EMSY: variants seen among roughly 807,000 people sequenced by gnomAD.
EMSY encodes EMSY transcriptional repressor, BRCA2 interacting, also known as BRCA2-interacting transcriptional repressor EMSY.
A neutral mutation model predicts 134.6 loss-of-function variants in EMSY; 26 were observed. The observed-to-expected ratio is 0.19, with a 90% CI of 0.14 to 0.27. EMSY has a LOEUF of 0.27. EMSY is among the 10% of genes least tolerant of loss of function. The pLI is 1.00. For synonymous variants in EMSY, 579 were observed against 577.8 expected, an observed-to-expected ratio of 1.00 and a Z score of -0.03; for missense variants, 1,305 against 1,611.4, an observed-to-expected ratio of 0.81 and a Z score of 3.26.
At position 76,523,066 on chromosome 11, in the gene EMSY, A is replaced by G. The variant is rs1590967647; in HGVS notation, c.1685-89A>G. 1.4e-5 allele frequency: 18 copies of G among 1,281,192 alleles called. No homozygotes were observed. In the South Asian group the frequency reaches 2.2e-4, roughly 16 times the overall value. 79.4% of individuals were successfully genotyped at this position (1,281,192 alleles called of 1,614,324 possible). The stretch of plus-strand genomic sequence containing the variant: ...ATGTCATCTAGGAATGACATTTACT[A>G]TATGTACTAATTGTGTATAATATAA... On this transcript the variant is annotated intron_variant, in intron 11 of 20. Coordinates refer to ENST00000334736, the Ensembl canonical transcript of EMSY.
chr11:76,516,054 A>G, intron 10 of EMSY, 88 bp from the exon 12 acceptor site: 1 of 1,145,876 alleles, frequency 8.7e-7, no homozygotes, highest in Non-Finnish European at 1.2e-6. Context: ...AGCAATGTAG[A>G]TTATATGGAA....
At chr11:76,512,637 T>G (rs1181976261) in intron 9 of EMSY, among the ~76,000 whole-genome samples, 6 of 151,152 alleles carry the variant, frequency 4.0e-5, no homozygotes, top group African/African-American at 1.2e-4. Flanking sequence ...TTTTTTTTTC[T>G]AAATGGGAAA....
At chr11:76,454,865 G>C in intron 4 of EMSY, 75 bp downstream of exon 5, 1 of 1,093,992 alleles carries the variant, frequency 9.1e-7, no homozygotes, top group Non-Finnish European at 1.3e-6. Context: ...AATTATTCAG[G>C]GGCACATTAT....
At chr11:76,517,783 C>T (rs1950497858) in intron 11 of EMSY, among the ~76,000 whole-genome samples, 2 of 152,176 alleles carry the variant, frequency 1.3e-5, no homozygotes, top group African/African-American at 4.8e-5. Flanking sequence ...CATGAGTGTA[C>T]ATGAGTAGAG....
exon 20 of EMSY, chr11:76,545,861 C>T (rs1447622918): frequency 8.1e-6 from 13 of 1,614,006 alleles, no homozygotes; most frequent in African/African-American, 1.3e-5. Context: ...GGGCGCCAGC[C>T]TCCCACAGTT....
At chr11:76,523,176 C>A (rs999945073) in exon 12 of EMSY, 1 of 1,612,782 alleles carries the variant, frequency 6.2e-7, no homozygotes, top group African/African-American at 1.3e-5. Flanking sequence ...AAAATCACTA[C>A]AATCCCAATG....
chr11:76,454,776 A>C, intron 4 of EMSY: 1 of 1,469,092 alleles, frequency 6.8e-7, no homozygotes, highest in African/African-American at 1.4e-5. Context: ...ATTTGGGTGA[A>C]AGACCAAGTT....
intron 20 of EMSY, chr11:76,546,983 C>A: frequency 2.3e-6 from 1 of 432,302 alleles, no homozygotes; most frequent in South Asian, 1.7e-5. Context: ...GATGGTACCT[C>A]ACATTCCCTT....
rs1406438858 is a variant in EMSY, at chr11:76,518,705, T to TATATATATATATATA, written c.1684+2393_1684+2394insATATATATATATATA. On this transcript the variant is annotated intron_variant, in intron 11 of 20. Coordinates refer to ENST00000334736, the Ensembl canonical transcript of EMSY. ...CGCGCATATATATATATATATATAT[T>TATATATATATATATA]TTTTTTTTAATTGGGATCTAATATA... 8.0e-3 allele frequency among the ~76,000 whole-genome samples: 644 copies of TATATATATATATATA among 80,506 alleles called. 4 individuals carry two copies. The highest frequency in any genetic ancestry group is 0.025 in the South Asian group (54 of 2,158). 52.8% of individuals were successfully genotyped at this position (80,506 alleles called of 152,430 possible).
chr11:76,498,017 A>G (rs1949719893), intron 9 of EMSY, among the ~76,000 whole-genome samples: 2 of 152,104 alleles, frequency 1.3e-5, no homozygotes, highest in South Asian at 4.1e-4. Flanking sequence ...CCTTCCACAT[A>G]TTTTAATATG....
chr11:76,496,418 T>C (rs1356039057), exon 9 of EMSY: 1 of 1,614,090 alleles, frequency 6.2e-7, no homozygotes. Flanking sequence ...GCCTCAGCAG[T>C]CTCCTTTGCC....
intron 9 of EMSY, among the ~76,000 whole-genome samples, chr11:76,501,690 A>C (rs1949864086): frequency 6.6e-6 from 1 of 152,218 alleles, no homozygotes; most frequent in Non-Finnish European, 1.5e-5. Context: ...AGAGCTTCAG[A>C]GAAATGTGAG....
chr11:76,552,691 A>G (rs1033112899), downstream of EMSY: 1 of 152,214 alleles, frequency 6.6e-6, no homozygotes, highest in African/African-American at 2.4e-5. Context: ...CATTTAAAGT[A>G]TACCGTTTAA....
chr11:76,532,954 T>C (rs892340404), intron 14 of EMSY, among the ~76,000 whole-genome samples: 3 of 152,098 alleles, frequency 2.0e-5, no homozygotes, highest in African/African-American at 7.2e-5. Flanking sequence ...TATGAAAGAT[T>C]AAGAGTGGAA....
chr11:76,502,034 C>T (rs1455434617), intron 9 of EMSY, among the ~76,000 whole-genome samples: 2 of 112,560 alleles, frequency 1.8e-5, no homozygotes, highest in Non-Finnish European at 3.5e-5. Context: ...TTGGATAACA[C>T]ATTTGAAATG....
At chr11:76,523,133 C>T in intron 11 of EMSY, 22 bp from the exon 13 acceptor site, 1 of 1,599,232 alleles carries the variant, frequency 6.3e-7, no homozygotes, top group Non-Finnish European at 8.5e-7. Context: ...CTCAGGCCTC[C>T]TTTTCTTCCC....
At chr11:76,533,921 G>A (rs1399156733) in intron 14 of EMSY, among the ~76,000 whole-genome samples, 3 of 152,138 alleles carry the variant, frequency 2.0e-5, no homozygotes, top group Non-Finnish European at 2.9e-5. Context: ...AAGTAGGAGA[G>A]AGAATCATTT....
intron 7 of EMSY, among the ~76,000 whole-genome samples, chr11:76,471,577 T>A (rs1948570427): frequency 1.3e-5 from 2 of 152,180 alleles, no homozygotes; most frequent in East Asian, 3.8e-4. Flanking sequence ...TTTTTTTTGA[T>A]GACCTTGACA....
At chr11:76,473,072 A>T (rs150297756) in intron 8 of EMSY, among the ~76,000 whole-genome samples, 15 of 152,332 alleles carry the variant, frequency 9.8e-5, no homozygotes, top group African/African-American at 3.6e-4. Context: ...CTGGGCTGCT[A>T]ACATTCACAA....
Sources: allele counts gnomAD v4.1 joint callset (sites outside exome capture counted in the v4.1 genomes callset), GRCh38; gene constraint gnomAD v4.1.1; transcripts MANE v1.5; gene names NCBI Gene and HGNC (gene_info 2026-07-23, HGNC 2026-07-21).